The following CUX1 variants were observed in gnomAD, a reference collection of about 807,000 sequenced individuals.
CUX1 encodes the protein cut like homeobox 1, also known as protein CASP.
A neutral mutation model predicts 158.8 loss-of-function variants in CUX1; 31 were observed. The observed-to-expected ratio is 0.20, with a 90% CI of 0.15 to 0.26. The LOEUF (loss-of-function observed/expected upper bound fraction) is 0.26. Among genes scored for constraint, CUX1 ranks in the 10% least tolerant of loss-of-function variants. The probability of loss-of-function intolerance (pLI) is 1.00; values close to 1 mark genes in which losing one functional copy is unlikely to be tolerated. For synonymous variants in CUX1, 879 were observed against 862.1 expected, an observed-to-expected ratio of 1.02 and a Z score of -0.34; for missense variants, 1,589 against 2,014.6, an observed-to-expected ratio of 0.79 and a Z score of 4.04.
At chr7:102,082,830 A>G (rs181298478) in intron 4 of CUX1, among the ~76,000 whole-genome samples, 1 of 147,756 alleles carries the variant, frequency 6.8e-6, no homozygotes, top group Non-Finnish European at 1.5e-5. Flanking sequence ...GTGTGGATAT[A>G]TACCAATTTG....
intron 2 of CUX1, among the ~76,000 whole-genome samples, chr7:101,955,985 A>G (rs187035720): frequency 6.6e-6 from 1 of 152,046 alleles, no homozygotes; most frequent in East Asian, 1.9e-4. Context: ...GGATGAGACC[A>G]TCCTGGCTAA....
intron 14 of CUX1, among the ~76,000 whole-genome samples, chr7:102,266,311 G>T (rs1220360284): frequency 2.6e-5 from 4 of 151,834 alleles, no homozygotes; most frequent in African/African-American, 9.7e-5. Context: ...GCCACCGAAG[G>T]GTCGCAGAGA....
chr7:101,821,119 T>C (rs1040269614), intron 1 of CUX1, among the ~76,000 whole-genome samples: 6 of 152,194 alleles, frequency 3.9e-5, no homozygotes, highest in African/African-American at 1.4e-4. Context: ...TGCATTGTTA[T>C]ATGACTTTAG....
intron 20 of CUX1, among the ~76,000 whole-genome samples, chr7:102,205,486 G>A (rs1286925991): frequency 2.0e-5 from 3 of 152,210 alleles, no homozygotes; most frequent in Non-Finnish European, 2.9e-5. Context: ...CCGTCTGATA[G>A]GAAGGGATAA....
At position 101,850,255 on chromosome 7, in the gene CUX1, G is replaced by A. The variant is rs543288759; in HGVS notation, c.30+32586G>A. 9.4e-4 allele frequency among the ~76,000 whole-genome samples: 143 copies of A among 151,806 alleles called. 1 individual carries two copies. Among genetic ancestry groups the A allele is most frequent in the Middle Eastern group, 6.8e-3 (2 of 294 alleles). On this transcript the variant is annotated intron_variant, in intron 1 of 23. Transcript: ENST00000292535. ...ATTTTAAAATGCAATTTTTCTGAAG[G>A]TAGTCATTGTTTTTGCATGTTTTCT...
At chr7:102,258,640 C>T (rs1300843894), downstream of CUX1, among the ~76,000 whole-genome samples, 7 of 152,160 alleles carry the variant, frequency 4.6e-5, no homozygotes, top group Non-Finnish European at 5.9e-5. Flanking sequence ...AGTGCTGGTG[C>T]GGCACTGGGC....
At chr7:102,044,827 C>T (rs577959218) in intron 3 of CUX1, among the ~76,000 whole-genome samples, 3 of 152,154 alleles carry the variant, frequency 2.0e-5, no homozygotes, top group South Asian at 2.1e-4. Context: ...GCCAGACAGG[C>T]GACTGTGGAG....
chr7:102,036,071 A>G (rs976800713), intron 3 of CUX1, among the ~76,000 whole-genome samples: 4 of 152,084 alleles, frequency 2.6e-5, no homozygotes, highest in Admixed American at 1.3e-4. Context: ...TCAGGTTCAC[A>G]TATTACATTT....
chr7:102,248,874 C>A lies in CUX1; in HGVS notation c.4350C>A (p.Pro1450=), dbSNP rs782279581. ...GCAACAGCAGCAGCAGCAGCGCCCC[C>A]CGCAGGCCCAGCTCGCTGCAGAGCC... ...PPSNSSSSSA[P]RRPSSLQSLF... is the part of the protein sequence containing the mutation. The change falls in exon 24 of 24, where the codon CCC becomes CCA. Residue 1450 remains proline (P), a synonymous_variant. Coordinates refer to ENST00000292535, the MANE Select transcript of CUX1 (RefSeq NM_181552.4). This position sits in a 1 kb window ranked among gnomAD's most constrained non-coding sequence, Gnocchi z 5.8. The A allele has an allele frequency of 3.0e-6, 4 of 1,341,646 alleles. No individual in the cohort carries two copies. Among genetic ancestry groups the A allele is most frequent in the South Asian group, 1.6e-5 (1 of 62,646 alleles). The allele number at this position is 1,341,646 out of a possible 1,614,324, so 83.1% of individuals were successfully genotyped here.
At chr7:101,816,012 C>A, upstream of CUX1, 1 of 1,411,676 alleles carries the variant, frequency 7.1e-7, no homozygotes, top group Non-Finnish European at 9.5e-7. Flanking sequence ...CCGCTCACTC[C>A]GTCTCAATAT....
chr7:101,921,947 A>G (rs1360315216), intron 2 of CUX1, among the ~76,000 whole-genome samples: 1 of 152,000 alleles, frequency 6.6e-6, no homozygotes, highest in East Asian at 1.9e-4. Context: ...GTGAGATTCC[A>G]TCTCTACAAA....
At chr7:101,991,643 C>T (rs1815146887) in intron 2 of CUX1, among the ~76,000 whole-genome samples, 1 of 151,838 alleles carries the variant, frequency 6.6e-6, no homozygotes, top group Non-Finnish European at 1.5e-5. Context: ...CCTGTAATCC[C>T]AGCTACTCGG....
rs1390598381 is a variant in CUX1, at chr7:102,193,775, C to T, written c.1077-67C>T. ...CAATATCGCGCCACTGCACTCTAGC[C>T]TGGGTGACAGAACGAGACTCTGTCT... is the stretch of plus-strand genomic sequence containing the variant. On this transcript the variant is annotated intron_variant, in intron 12 of 23. Transcript: ENST00000292535. 4 of 1,534,508 alleles carry T rather than the reference C, an allele frequency of 2.6e-6. No homozygotes were observed. In the East Asian group the frequency reaches 7.0e-5, roughly 27 times the overall value.
intron 8 of CUX1, among the ~76,000 whole-genome samples, chr7:102,149,245 C>T (rs1554502898): frequency 6.6e-6 from 1 of 152,132 alleles, no homozygotes; most frequent in African/African-American, 2.4e-5. Flanking sequence ...ACTCATCCTC[C>T]AGGGTACAGA....
chr7:102,222,537 C>T (rs1187936703), intron 20 of CUX1, among the ~76,000 whole-genome samples: 2 of 152,096 alleles, frequency 1.3e-5, no homozygotes, highest in South Asian at 2.1e-4. Flanking sequence ...GCCCTCAGCT[C>T]GCTGCTCCAT....
At chr7:101,893,473 G>A (rs1183348122) in intron 1 of CUX1, among the ~76,000 whole-genome samples, 2 of 152,050 alleles carry the variant, frequency 1.3e-5, no homozygotes, top group South Asian at 2.1e-4. Context: ...TGAAGCTGTC[G>A]GGCTGATTTG....
intron 2 of CUX1, among the ~76,000 whole-genome samples, chr7:101,968,245 A>G (rs867055808): frequency 2.0e-4 from 30 of 152,074 alleles, no homozygotes; most frequent in African/African-American, 7.0e-4. Context: ...TCTTCACATA[A>G]AAGTTAATTG....
intron 9 of CUX1, among the ~76,000 whole-genome samples, chr7:102,159,352 T>C (rs1790151355): frequency 6.6e-6 from 1 of 152,234 alleles, no homozygotes; most frequent in Admixed American, 6.5e-5. Context: ...GGCTGACACT[T>C]GGTGCTCAGA....
At chr7:101,993,127 C>T (rs1335461193) in intron 2 of CUX1, among the ~76,000 whole-genome samples, 1 of 152,122 alleles carries the variant, frequency 6.6e-6, no homozygotes, top group Non-Finnish European at 1.5e-5. Context: ...GTCAGGAGTT[C>T]AAGACCAGCC....
Sources: allele counts gnomAD v4.1 joint callset (sites outside exome capture counted in the v4.1 genomes callset), GRCh38; gene constraint gnomAD v4.1.1; non-coding constraint Gnocchi (gnomAD v3.1); transcripts MANE v1.5; gene names NCBI Gene and HGNC (gene_info 2026-07-23, HGNC 2026-07-21).